CHIA: variants seen among roughly 807,000 people sequenced by gnomAD.
The protein encoded by CHIA is chitinase acidic, also known as acidic mammalian chitinase.
A neutral mutation model predicts 53.5 loss-of-function variants in CHIA; 47 were observed. The ratio of observed to expected loss-of-function variants is 0.88; its 90% CI spans 0.70 to 1.12. CHIA has a LOEUF of 1.12. Among genes scored for constraint, CHIA ranks in the 50% most tolerant of loss-of-function variants. The pLI is 0.00. For missense variants in CHIA, 652 were observed against 592.2 expected (o/e 1.10, Z -1.05); for synonymous variants, 268 against 222.2 (o/e 1.21, Z -1.83).
chr1:111,316,072 C>T (rs1026077938), intron 6 of CHIA: 2 of 288,150 alleles, frequency 6.9e-6, no homozygotes, highest in African/African-American at 4.4e-5. Context: ...GGGGCAGGAT[C>T]AGAAAGTGTT....
At chr1:111,294,051 G>T (rs545202055) in intron 1 of CHIA, among the ~76,000 whole-genome samples, 1 of 151,406 alleles carries the variant, frequency 6.6e-6, no homozygotes. Flanking sequence ...CACTGCACTC[G>T]AGCCTGGGTG....
intron 1 of CHIA, among the ~76,000 whole-genome samples, chr1:111,303,842 A>G (rs1384170915): frequency 6.6e-6 from 1 of 152,178 alleles, no homozygotes; most frequent in Non-Finnish European, 1.5e-5. Context: ...AACTTTGTTT[A>G]TTCATATGGC....
chr1:111,298,111 A>G lies in CHIA; in HGVS notation c.-69+7161A>G, dbSNP rs142030031. Among the ~76,000 whole-genome samples, 966 of 152,314 alleles carry G rather than the reference A, an allele frequency of 6.3e-3. 15 individuals are homozygous for G. The highest frequency in any genetic ancestry group is 0.022 in the African/African-American group (931 of 41,562). On this transcript the variant is annotated intron_variant, in intron 1 of 11. Transcript: ENST00000369740. ...TCATAAAGCAAGTCCTTAGAGACCT[A>G]CAAGGAGACTTAGACTCCCACACAA...
intron 1 of CHIA, among the ~76,000 whole-genome samples, chr1:111,303,541 G>A (rs923774480): frequency 3.3e-5 from 5 of 151,746 alleles, no homozygotes; most frequent in Non-Finnish European, 7.4e-5. Flanking sequence ...TGGTTACAAT[G>A]GGGATTACAT....
intron 1 of CHIA, among the ~76,000 whole-genome samples, chr1:111,291,608 C>T (rs1270844265): frequency 6.6e-6 from 1 of 152,026 alleles, no homozygotes; most frequent in African/African-American, 2.4e-5. Flanking sequence ...AGCAAACCAT[C>T]ATGGCACACG....
At chr1:111,301,726 A>T (rs12735944) in intron 1 of CHIA, among the ~76,000 whole-genome samples, 41,578 of 149,320 alleles carry the variant, frequency 0.28, 6,136 homozygotes, top group East Asian at 0.36. Flanking sequence ...AAAAAAAAAA[A>T]GATGAGTTCC....
In CHIA at chr1:111,312,279, T is replaced by A; in HGVS notation, c.145T>A (p.Cys49Ser). 6.2e-7 allele frequency: 1 copy of A among 1,613,928 alleles called. No individual in the cohort carries two copies. The highest frequency in any genetic ancestry group is 8.5e-7 in the Non-Finnish European group (1 of 1,179,898). The change falls in exon 4 of 12, where the codon TGC (cysteine) becomes AGC (serine). Residue 49 changes from cysteine to serine, a missense_variant. Cys to Ser is a moderately radical substitution (Grantham distance 112). Coordinates refer to ENST00000369740, the MANE Select transcript of CHIA (RefSeq NM_201653.4). ...CTTCATGCCTGACAACATCGACCCCTGCCTCTGTACCCACCTGATCTACGC... is the reference window on the plus strand; with the variant it reads ...CTTCATGCCTGACAACATCGACCCCAGCCTCTGTACCCACCTGATCTACGC... ...GRFMPDNIDP[C>S]LCTHLIYAFA...
intron 1 of CHIA, among the ~76,000 whole-genome samples, chr1:111,307,994 T>A (rs1184590771): frequency 1.3e-5 from 2 of 152,150 alleles, no homozygotes; most frequent in African/African-American, 2.4e-5. Flanking sequence ...GATTTTACAA[T>A]TAAAGAAACT....
chr1:111,319,953 G>A (rs1649524763), intron 11 of CHIA, among the ~76,000 whole-genome samples: 1 of 152,128 alleles, frequency 6.6e-6, no homozygotes, highest in African/African-American at 2.4e-5. Context: ...ACATTTGGTG[G>A]TTAGTAAATT....
intron 6 of CHIA, chr1:111,317,420 G>A (rs1397292599): frequency 5.6e-6 from 2 of 358,530 alleles, no homozygotes; most frequent in East Asian, 1.1e-4. Context: ...TGGGACCTGG[G>A]TTTTGGTCAT....
At chr1:111,317,658 T>C (rs1571303353) in intron 6 of CHIA, 23 bp from the exon 7 acceptor site, 3 of 1,613,986 alleles carry the variant, frequency 1.9e-6, no homozygotes, top group Middle Eastern at 1.7e-4. Context: ...ATAGATGTCC[T>C]ATTATGCCTT....
chr1:111,315,502 G>A, intron 6 of CHIA, 67 bp downstream of exon 6: 7 of 1,533,938 alleles, frequency 4.6e-6, no homozygotes, highest in Non-Finnish European at 5.3e-6. Context: ...GGAGAATTGG[G>A]TGGCTCTAGG....
At chr1:111,314,739 T>C (rs1649005468) in intron 5 of CHIA, 143 bp downstream of exon 5, 3 of 595,778 alleles carry the variant, frequency 5.0e-6, no homozygotes, top group Non-Finnish European at 6.0e-6. Context: ...AATATATTGC[T>C]ACACCAGAAC....
At chr1:111,298,879 G>A (rs1647449317) in intron 1 of CHIA, among the ~76,000 whole-genome samples, 1 of 151,970 alleles carries the variant, frequency 6.6e-6, no homozygotes, top group Non-Finnish European at 1.5e-5. Context: ...GAATCAAATA[G>A]ATGCAATAAA....
intron 1 of CHIA, among the ~76,000 whole-genome samples, chr1:111,307,096 T>G (rs1648241631): frequency 6.6e-6 from 1 of 152,244 alleles, no homozygotes; most frequent in Non-Finnish European, 1.5e-5. Context: ...ATTCCATTCC[T>G]AGGTGTAAAC....
intron 1 of CHIA, among the ~76,000 whole-genome samples, chr1:111,304,091 G>A (rs1647985348): frequency 6.6e-6 from 1 of 152,140 alleles, no homozygotes; most frequent in Non-Finnish European, 1.5e-5. Context: ...AGTTTCTGAT[G>A]AGAGATCTGC....
chr1:111,315,490 G>A (rs969732501), intron 6 of CHIA, 55 bp downstream of exon 6: 8 of 1,565,828 alleles, frequency 5.1e-6, no homozygotes, highest in African/African-American at 1.4e-5. Flanking sequence ...CTTTCTTTCC[G>A]AGGAGAATTG....
At position 111,315,337 on chromosome 1, in the gene CHIA, C is replaced by T. The variant is rs779934714; in HGVS notation, c.382C>T (p.Arg128Cys). ...TFITSVIKFL[R>C]QYEFDGLDFD... ...CATCACCTCAGTCATCAAATTCCTG[C>T]GCCAGTATGAGTTTGACGGGCTGGA... is the stretch of plus-strand genomic sequence containing the variant. Residue 128 changes from arginine (R) to cysteine (C), a missense_variant, in exon 6 of 12, where the codon CGC becomes TGC. Transcript: ENST00000369740. 64 of 1,613,572 alleles carry T rather than the reference C, an allele frequency of 4.0e-5. 1 individual carries two copies. In the Middle Eastern group the frequency reaches 6.8e-4, roughly 17 times the overall value.
In CHIA at chr1:111,312,191, C is replaced by A. The variant is rs545496572; in HGVS notation, c.57C>A (p.Gly19=). 1.2e-6 allele frequency: 2 copies of A among 1,613,628 alleles called. No individual in the cohort carries two copies. The highest frequency in any genetic ancestry group is 1.7e-6 in the Non-Finnish European group (2 of 1,179,534). The stretch of plus-strand genomic sequence containing the variant: ...GTCCCTCCTGCTGACTACACACAGG[C>A]TCTGCCTACCAGCTGACATGCTACT... ...GLVLILNLQL[G]SAYQLTCYFT... The change falls in exon 4 of 12, where the codon GGC becomes GGA. Residue 19 remains glycine, a splice_region_variant and synonymous_variant. Transcript: ENST00000369740.
Sources: allele counts gnomAD v4.1 joint callset (sites outside exome capture counted in the v4.1 genomes callset), GRCh38; gene constraint gnomAD v4.1.1; transcripts MANE v1.5; gene names NCBI Gene and HGNC (gene_info 2026-07-23, HGNC 2026-07-21).